The following OSBPL11 variants were observed in gnomAD, a reference collection of about 807,000 sequenced individuals.
OSBPL11 encodes oxysterol-binding protein-related protein 11.
Under a neutral mutation model 84.4 loss-of-function variants are expected in OSBPL11, and 33 were observed. That is an observed-to-expected ratio of 0.39 (90% CI 0.30 to 0.52). The LOEUF is 0.52. Ranked by LOEUF, OSBPL11 falls within the 20% of genes least tolerant of loss-of-function variation. The pLI, the probability that OSBPL11 is intolerant of heterozygous loss-of-function variation, is 0.72. For synonymous variants in OSBPL11, 276 were observed against 310.2 expected (o/e 0.89, Z 1.16); for missense variants, 736 against 901.1 (o/e 0.82, Z 2.35).
intron 8 of OSBPL11, among the ~76,000 whole-genome samples, chr3:125,557,660 G>A (rs1450051015): frequency 6.6e-6 from 1 of 151,804 alleles, no homozygotes; most frequent in Middle Eastern, 3.5e-3. Context: ...TTATAGGTGT[G>A]AGCCATGGCA....
intron 5 of OSBPL11, among the ~76,000 whole-genome samples, chr3:125,574,260 G>A (rs577909851): frequency 3.1e-4 from 45 of 147,464 alleles, no homozygotes; most frequent in African/African-American, 1.1e-3. Flanking sequence ...TACCTGCCAT[G>A]AACTCACAGG....
rs1301393203 is a variant in OSBPL11 at position 125,538,528 on chromosome 3, C to T, written c.1947G>A (p.Lys649=). ...LEFTYSNGET[K]YVDLTKLAVT... Reference sequence around the variant, plus strand: ...CTGCCAATTTAGTCAAGTCCACATACTTTGTCTCTCCATTGCTATATGTGA... The same window carrying T: ...CTGCCAATTTAGTCAAGTCCACATATTTTGTCTCTCCATTGCTATATGTGA... The change falls in exon 11 of 13, where the codon AAG becomes AAA. Residue 649 remains lysine, a synonymous_variant. Coordinates refer to ENST00000296220, the MANE Select transcript of OSBPL11 (RefSeq NM_022776.5). 8 of 1,614,166 alleles carry T rather than the reference C, an allele frequency of 5.0e-6. No homozygotes were observed. Among genetic ancestry groups the T allele is most frequent in the Non-Finnish European group, 6.8e-6 (8 of 1,180,004 alleles).
intron 6 of OSBPL11, among the ~76,000 whole-genome samples, chr3:125,565,523 CGT>C (rs1362906813): frequency 6.6e-6 from 1 of 151,898 alleles, no homozygotes; most frequent in Non-Finnish European, 1.5e-5. Context: ...AAGATACAAA[CGT>C]ATATTTTCCA....
chr3:125,556,510 C>CA (rs1935993488), intron 8 of OSBPL11, among the ~76,000 whole-genome samples: 1 of 152,200 alleles, frequency 6.6e-6, no homozygotes, highest in Non-Finnish European at 1.5e-5. Context: ...CCCCAGCCCA[C>CA]ATTCCTCCTG....
chr3:125,572,239 G>A (rs1356004318), intron 5 of OSBPL11, among the ~76,000 whole-genome samples: 1 of 152,188 alleles, frequency 6.6e-6, no homozygotes, highest in African/African-American at 2.4e-5. Context: ...TCCAATGCCT[G>A]TACCCCCATT....
chr3:125,572,908 AGTGT>A, intron 5 of OSBPL11, among the ~76,000 whole-genome samples: 1 of 140,650 alleles, frequency 7.1e-6, no homozygotes, highest in East Asian at 2.0e-4. Flanking sequence ...CATATTATAA[AGTGT>A]GTGTATATAT....
At chr3:125,549,622 T>TG (rs1288235632) in intron 9 of OSBPL11, among the ~76,000 whole-genome samples, 7 of 152,096 alleles carry the variant, frequency 4.6e-5, no homozygotes, top group African/African-American at 1.7e-4. Flanking sequence ...CCTGAGATTA[T>TG]AGAAGCAAGC....
chr3:125,586,344 T>C (rs921107445), intron 1 of OSBPL11, among the ~76,000 whole-genome samples: 1 of 152,176 alleles, frequency 6.6e-6, no homozygotes, highest in East Asian at 1.9e-4. Flanking sequence ...TTTAAACTTG[T>C]TAACATTTAA....
At chr3:125,536,749 T>C (rs988709300) in intron 11 of OSBPL11, among the ~76,000 whole-genome samples, 1 of 152,220 alleles carries the variant, frequency 6.6e-6, no homozygotes, top group Admixed American at 6.5e-5. Flanking sequence ...TGATTAATTC[T>C]GCTTGTAACT....
chr3:125,536,613 T>G (rs1168767627), intron 11 of OSBPL11, among the ~76,000 whole-genome samples: 5 of 152,184 alleles, frequency 3.3e-5, no homozygotes, highest in Non-Finnish European at 2.9e-5. Context: ...TCAATTGTTT[T>G]TCTTTAAGTA....
intron 10 of OSBPL11, among the ~76,000 whole-genome samples, chr3:125,540,187 G>A (rs561256007): frequency 6.6e-6 from 1 of 152,016 alleles, no homozygotes; most frequent in South Asian, 2.1e-4. Flanking sequence ...AAATTAGCTG[G>A]GCGTAGTGGC....
chr3:125,559,924 A>G (rs1450998311), intron 8 of OSBPL11, among the ~76,000 whole-genome samples: 2 of 150,694 alleles, frequency 1.3e-5, no homozygotes, highest in Non-Finnish European at 3.0e-5. Context: ...AATACTGATC[A>G]GGAGACTAAA....
chr3:125,531,978 T>G lies in OSBPL11; in HGVS notation c.2061A>C (p.Glu687Asp). ...GCTCTGTGGCCTTATCAATTTCAGA[T>G]TCTCTCAGCGAGTCTGTCACATTTT... ...LWKNVTDSLR[E>D]SEIDKATEHK... The change falls in exon 12 of 13, where the codon GAA becomes GAC. Residue 687 changes from glutamate to aspartate, a missense_variant. Glu to Asp is a conservative substitution (Grantham distance 45). This residue lies in a region of OSBPL11 where 579 missense variants were observed against 717.6 expected (regional missense o/e 0.81). Coordinates refer to ENST00000296220, the MANE Select transcript of OSBPL11 (RefSeq NM_022776.5). 6.2e-7 allele frequency: 1 copy of G among 1,611,882 alleles called. No individual in the cohort carries two copies. Among genetic ancestry groups the G allele is most frequent in the South Asian group, 1.1e-5 (1 of 90,288 alleles).
At chr3:125,592,838 AT>A (rs1225438261) in intron 1 of OSBPL11, among the ~76,000 whole-genome samples, 17 of 152,294 alleles carry the variant, frequency 1.1e-4, no homozygotes, top group African/African-American at 2.2e-4. Flanking sequence ...AGAAAAAAAA[AT>A]GATCATAAAG....
chr3:125,548,802 T>A (rs754535538), intron 9 of OSBPL11, among the ~76,000 whole-genome samples: 7 of 152,054 alleles, frequency 4.6e-5, no homozygotes, highest in African/African-American at 7.2e-5. Flanking sequence ...AATATTTTAA[T>A]ATAGTTAATT....
intron 10 of OSBPL11, among the ~76,000 whole-genome samples, chr3:125,541,873 G>A (rs928197579): frequency 3.3e-5 from 5 of 152,078 alleles, no homozygotes; most frequent in Non-Finnish European, 7.4e-5. Context: ...GTGAGCCACC[G>A]TACCCGGCCC....
At chr3:125,572,544 G>T (rs1363758008) in intron 5 of OSBPL11, among the ~76,000 whole-genome samples, 16 of 152,240 alleles carry the variant, frequency 1.1e-4, no homozygotes, top group African/African-American at 3.6e-4. Flanking sequence ...ATCAGTGCAG[G>T]TCTTTCCCAT....
intron 3 of OSBPL11, 48 bp downstream of exon 3, chr3:125,579,816 TC>T: frequency 3.2e-6 from 5 of 1,565,042 alleles, no homozygotes; most frequent in Non-Finnish European, 4.4e-6. Context: ...CACCAACTTC[TC>T]AAAAAAAGAG....
chr3:125,532,856 A>T (rs997242097), intron 11 of OSBPL11, among the ~76,000 whole-genome samples: 4 of 149,858 alleles, frequency 2.7e-5, no homozygotes, highest in African/African-American at 9.9e-5. Context: ...TTCAGCAATA[A>T]AAAGCAATGA....
Sources: gnomAD v4.1 joint callset for allele counts (sites outside exome capture counted in the v4.1 genomes callset) on GRCh38, gnomAD v4.1.1 for gene constraint, gnomAD v4.1.1 regional missense constraint, MANE v1.5 for transcripts, NCBI Gene and HGNC (gene_info 2026-07-23, HGNC 2026-07-21) for gene names.